Variants in STK17A observed in about 807,000 individuals in gnomAD.
STK17A encodes the protein serine/threonine kinase 17a.
A neutral mutation model predicts 43.7 loss-of-function variants in STK17A; 26 were observed. That is an observed-to-expected ratio of 0.60 (90% CI 0.44 to 0.83). STK17A has a LOEUF of 0.83. Among genes scored for constraint, STK17A ranks in the 40% least tolerant of loss-of-function variants. The pLI, the probability that STK17A is intolerant of heterozygous loss-of-function variation, is 0.00. For synonymous variants in STK17A, 191 were observed against 182.5 expected (o/e 1.05, Z -0.38); for missense variants, 476 against 511.6 (o/e 0.93, Z 0.67).
At chr7:43,601,624 C>A (rs542787256) in intron 2 of STK17A, among the ~76,000 whole-genome samples, 1 of 150,108 alleles carries the variant, frequency 6.7e-6, no homozygotes, top group South Asian at 2.1e-4. Context: ...TGACTTTTTT[C>A]TTCCCTTTTC....
At position 43,587,300 on chromosome 7, in the gene STK17A, G is replaced by T. The variant is rs1196842493; in HGVS notation, c.206+3851G>T. 1.3e-5 allele frequency among the ~76,000 whole-genome samples: 2 copies of T among 150,578 alleles called. 1 individual carries two copies. Among genetic ancestry groups the T allele is most frequent in the Non-Finnish European group, 3.0e-5 (2 of 67,238 alleles). ...CTCCCGAGTAGCTGGGACTATAGGC[G>T]CCTGCCACCATGCCTGGCTAATTTT... On this transcript the variant is annotated intron_variant, in intron 1 of 6. Transcript: ENST00000319357.
intron 3 of STK17A, chr7:43,608,672 G>T: frequency 3.9e-6 from 1 of 256,932 alleles, no homozygotes; most frequent in Non-Finnish European, 7.3e-6. Flanking sequence ...CTTTTGAAAA[G>T]TTAGGATTTA....
At chr7:43,604,954 T>C (rs1382426908) in intron 2 of STK17A, among the ~76,000 whole-genome samples, 1 of 152,216 alleles carries the variant, frequency 6.6e-6, no homozygotes, top group Non-Finnish European at 1.5e-5. Context: ...TTCTGCAGTG[T>C]CTGATCTGCT....
rs113430821 is a variant in STK17A at position 43,623,631 on chromosome 7, T to C, written c.740+11T>C. The stretch of plus-strand genomic sequence containing the variant: ...GGCAACAGATATGTGGTAAGAGTTA[T>C]TAATGAAAAATTGATCAAATTAGTT... On this transcript the variant is annotated intron_variant, in intron 5 of 6. Coordinates refer to ENST00000319357, the MANE Select transcript of STK17A (RefSeq NM_004760.3). 1,018 of 1,609,126 alleles carry C rather than the reference T, an allele frequency of 6.3e-4. 6 individuals carry two copies. The African/African-American group carries it at 0.011, about 18-fold the overall frequency.
intron 1 of STK17A, among the ~76,000 whole-genome samples, chr7:43,590,040 A>T (rs1247417921): frequency 6.7e-6 from 1 of 149,710 alleles, no homozygotes; most frequent in African/African-American, 2.4e-5. Flanking sequence ...TAGATGTCCC[A>T]GGCTCAACTG....
At chr7:43,604,569 C>T (rs2082576415) in intron 2 of STK17A, among the ~76,000 whole-genome samples, 1 of 152,182 alleles carries the variant, frequency 6.6e-6, no homozygotes, top group South Asian at 2.1e-4. Context: ...AGTCTGTGAT[C>T]ATTCTTACCT....
intron 2 of STK17A, among the ~76,000 whole-genome samples, chr7:43,604,204 A>G (rs1385410084): frequency 6.6e-6 from 1 of 152,182 alleles, no homozygotes; most frequent in Non-Finnish European, 1.5e-5. Flanking sequence ...AATTTTATAT[A>G]TAAGAAAAAA....
At chr7:43,617,796 C>A (rs1222907385) in intron 3 of STK17A, among the ~76,000 whole-genome samples, 2 of 152,092 alleles carry the variant, frequency 1.3e-5, no homozygotes, top group Non-Finnish European at 2.9e-5. Flanking sequence ...GAGGAAAGGC[C>A]TCAAGATCAA....
chr7:43,620,651 G>A (rs183523939), intron 4 of STK17A, among the ~76,000 whole-genome samples: 469 of 150,794 alleles, frequency 3.1e-3, no homozygotes, highest in South Asian at 8.0e-3. Flanking sequence ...TCCAGCCTGG[G>A]CGACAGAGTG....
intron 2 of STK17A, among the ~76,000 whole-genome samples, chr7:43,602,956 G>C (rs956660456): frequency 1.8e-4 from 27 of 151,992 alleles, no homozygotes; most frequent in African/African-American, 5.8e-4. Flanking sequence ...TTTTTCTTTT[G>C]TTTAGTATCC....
intron 1 of STK17A, among the ~76,000 whole-genome samples, chr7:43,585,653 G>C (rs2082433308): frequency 6.6e-6 from 1 of 151,432 alleles, no homozygotes; most frequent in Non-Finnish European, 1.5e-5. Flanking sequence ...ATTGGCTTTG[G>C]AGTCAGACAG....
chr7:43,588,644 C>A (rs1354190305), intron 1 of STK17A, among the ~76,000 whole-genome samples: 2 of 151,320 alleles, frequency 1.3e-5, no homozygotes, highest in African/African-American at 4.8e-5. Flanking sequence ...AGCTTGAGAG[C>A]AGCCTGGCCA....
intron 1 of STK17A, among the ~76,000 whole-genome samples, chr7:43,585,274 A>G: frequency 7.4e-6 from 1 of 135,992 alleles, no homozygotes; most frequent in African/African-American, 2.6e-5. Flanking sequence ...CGGTGCAAAT[A>G]TTACAAAACG....
At position 43,613,326 on chromosome 7, in the gene STK17A, A is replaced by G. The variant is rs114625461; in HGVS notation, c.564+4926A>G. Among the ~76,000 whole-genome samples, 460 of 152,284 alleles carry G rather than the reference A, an allele frequency of 3.0e-3. 1 individual carries two copies. The highest frequency in any genetic ancestry group is 0.01 in the African/African-American group (433 of 41,554). On this transcript the variant is annotated intron_variant, in intron 3 of 6. Coordinates refer to ENST00000319357, the MANE Select transcript of STK17A (RefSeq NM_004760.3). ...CCACACAAATGAGGTGATGTGTGGT[A>G]TTATAATAGCTATTCTGAGTAACCT...
chr7:43,585,761 CA>C lies in STK17A; in HGVS notation c.206+2313del, dbSNP rs1372114388. On this transcript the variant is annotated intron_variant, in intron 1 of 6. Coordinates refer to ENST00000319357, the MANE Select transcript of STK17A (RefSeq NM_004760.3). ...GGGTTGGTGAGAGAATTAAGTAAAA[CA>C]CATAGCCTTAAGGCTGTGCTTAGCT... 2.6e-5 allele frequency among the ~76,000 whole-genome samples: 4 copies of C among 151,182 alleles called. 1 individual carries two copies. Among genetic ancestry groups the C allele is most frequent in the Admixed American group, 6.6e-5 (1 of 15,208 alleles).
At chr7:43,595,286 T>TC (rs2082507385) in intron 1 of STK17A, among the ~76,000 whole-genome samples, 2 of 146,466 alleles carry the variant, frequency 1.4e-5, no homozygotes, top group South Asian at 2.2e-4. Flanking sequence ...TTTTTTTTTT[T>TC]TCCCCCCTGG....
At chr7:43,608,113 C>A in intron 2 of STK17A, 143 bp from the exon 3 acceptor site, 1 of 806,968 alleles carries the variant, frequency 1.2e-6, no homozygotes, top group Non-Finnish European at 1.9e-6. Flanking sequence ...GAGGTCCCAT[C>A]TCTATTTTTC....
rs1166761383 is a variant in STK17A, at chr7:43,618,856, T to C, written c.565-741T>C. Among the ~76,000 whole-genome samples, 3 of 152,146 alleles carry C rather than the reference T, an allele frequency of 2.0e-5. No homozygotes were observed. The East Asian group carries it at 5.8e-4, about 29-fold the overall frequency. ...GAGAACTTAGGGTAGAAGTCATCAG[T>C]ATGTAAGTGGCAGCTGAAGCTTTGG... On this transcript the variant is annotated intron_variant, in intron 3 of 6. Coordinates refer to ENST00000319357, the MANE Select transcript of STK17A (RefSeq NM_004760.3).
chr7:43,623,921 C>T (rs773039439), intron 6 of STK17A, 33 bp downstream of exon 6: 14 of 1,321,486 alleles, frequency 1.1e-5, no homozygotes, highest in Non-Finnish European at 1.3e-5. Context: ...TAATATTGAA[C>T]TAATTCAATA....
Sources: allele counts gnomAD v4.1 joint callset (sites outside exome capture counted in the v4.1 genomes callset), GRCh38; gene constraint gnomAD v4.1.1; transcripts MANE v1.5; gene names NCBI Gene and HGNC (gene_info 2026-07-23, HGNC 2026-07-21).